The following ABCC9 variants were observed in gnomAD, a reference collection of about 807,000 sequenced individuals.
ABCC9 encodes the protein ATP binding cassette subfamily C member 9.
ABCC9 carries 95 observed loss-of-function variants against 188.3 expected under a neutral mutation model. The ratio of observed to expected loss-of-function variants is 0.50; its 90% CI spans 0.43 to 0.60. The LOEUF is 0.60. Ranked by LOEUF, ABCC9 falls within the 20% of genes least tolerant of loss-of-function variation. The probability of loss-of-function intolerance (pLI) is 0.00; values close to 1 mark genes in which losing one functional copy is unlikely to be tolerated. For missense variants in ABCC9, 1,102 were observed against 1,876.3 expected (o/e 0.59, Z 7.62); for synonymous variants, 659 against 652.7 (o/e 1.01, Z -0.15).
At chr12:21,860,248 T>C (rs1279008017) in intron 21 of ABCC9, among the ~76,000 whole-genome samples, 1 of 152,146 alleles carries the variant, frequency 6.6e-6, no homozygotes, top group Non-Finnish European at 1.5e-5. Flanking sequence ...AGAACTTAAG[T>C]CCATTCTCAT....
intron 30 of ABCC9, 118 bp from the exon 31 acceptor site, chr12:21,829,178 A>G (rs1943566447): frequency 2.0e-6 from 1 of 499,118 alleles, no homozygotes; most frequent in Admixed American, 3.0e-5. Flanking sequence ...TGGAATGATC[A>G]GTAAATAGAT....
chr12:21,838,078 C>G lies in ABCC9; in HGVS notation c.3566G>C (p.Arg1189Thr). ...AEGLTTIRAF[R>T]HETRFKQRML... ...CTAATATAAAAATGTGTTTACTCAC[C>G]TAAAGGCCCGAATGGTGGTGAGTCC... Residue 1189 changes from arginine (R) to threonine (T), a missense_variant and splice_region_variant, in exon 30 of 40, where the codon AGG becomes ACG. By Grantham distance (71) the Arg-to-Thr change is moderately conservative. Transcript: ENST00000261200. 6.2e-7 allele frequency: 1 copy of G among 1,612,194 alleles called. No homozygotes were observed.
intron 20 of ABCC9, among the ~76,000 whole-genome samples, chr12:21,861,520 C>T (rs1227962485): frequency 6.6e-6 from 1 of 152,160 alleles, no homozygotes; most frequent in Non-Finnish European, 1.5e-5. Context: ...GCGTGAACCA[C>T]TACGCCCAGC....
chr12:21,838,686 A>C (rs704175), intron 29 of ABCC9, among the ~76,000 whole-genome samples: 1 of 151,878 alleles, frequency 6.6e-6, no homozygotes, highest in Non-Finnish European at 1.5e-5. Flanking sequence ...TAAGGGTGAC[A>C]GTGGATTGTA....
Position 21,913,051 on chromosome 12 carries a change from G to T in ABCC9, c.832C>A (p.His278Asn). ...CATATAGATGGAGTCCGATTTGGAT[G>T]ATCTGCAACTTTTTTCTGAAGAAAA... ...YEEQKKKVAD[H>N]PNRTPSIWLA... Residue 278 changes from histidine to asparagine, a missense_variant, in exon 8 of 40, where the codon CAT (histidine) becomes AAT (asparagine). His to Asn is a moderately conservative substitution (Grantham distance 68, BLOSUM62 1). Around this residue, in one of 12 missense-constraint regions of ABCC9, gnomAD observed 305 missense variants for 573.0 expected, o/e 0.53. Coordinates refer to ENST00000261200, the MANE Select transcript of ABCC9 (RefSeq NM_020297.4). 7 of 1,590,628 alleles carry T rather than the reference G, an allele frequency of 4.4e-6. No individual in the cohort carries two copies. The highest frequency in any genetic ancestry group is 5.1e-6 in the Non-Finnish European group (6 of 1,171,954).
chr12:21,802,504 A>G (rs1941518868), intron 39 of ABCC9, among the ~76,000 whole-genome samples: 1 of 152,228 alleles, frequency 6.6e-6, no homozygotes. Context: ...AGATGTTATC[A>G]TTTCAATATG....
rs1398393694 is a variant in ABCC9, at chr12:21,917,006, G to A, written c.504C>T (p.Cys168=). The change falls in exon 6 of 40, where the codon TGC becomes TGT. Residue 168 remains cysteine, a synonymous_variant. Transcript: ENST00000261200. ...TCAAGATGACCATCATGCCTGTGAT[G>A]CAGAAACGCAGGTTTGATATGTCCA... ...SGLDISNLRF[C]ITGMMVILNG... 6.2e-7 allele frequency: 1 copy of A among 1,613,646 alleles called. No homozygotes were observed. Among genetic ancestry groups the A allele is most frequent in the Admixed American group, 1.7e-5 (1 of 59,956 alleles).
chr12:21,890,124 C>T (rs1302536596), intron 14 of ABCC9, among the ~76,000 whole-genome samples: 2 of 152,104 alleles, frequency 1.3e-5, no homozygotes, highest in East Asian at 1.9e-4. Context: ...TCTATTCATA[C>T]GAGGTCCTTT....
At chr12:21,931,337 G>A (rs577478770) in intron 4 of ABCC9, among the ~76,000 whole-genome samples, 9 of 151,562 alleles carry the variant, frequency 5.9e-5, no homozygotes, top group African/African-American at 2.2e-4. Flanking sequence ...ATGATTGTAA[G>A]TTTCCTAAGG....
intron 18 of ABCC9, 123 bp downstream of exon 18, chr12:21,872,502 G>A: frequency 1.3e-6 from 1 of 750,468 alleles, no homozygotes; most frequent in South Asian, 1.6e-5. Flanking sequence ...TTTTTTTAAA[G>A]CTGTGCTTAT....
In ABCC9 at chr12:21,859,097, G is replaced by A. The variant is rs1945375513; in HGVS notation, c.2505+489C>T. 2.0e-5 allele frequency among the ~76,000 whole-genome samples: 3 copies of A among 152,108 alleles called. No homozygotes were observed. In the South Asian group the frequency reaches 6.2e-4, roughly 31 times the overall value. On this transcript the variant is annotated intron_variant, in intron 22 of 39. Transcript: ENST00000261200. Reference sequence around the variant, plus strand: ...ATAAATTTTAGATTCTACCTTTACAGATTATGCCACAGGTCTAGAGCAAAA... The same window carrying A: ...ATAAATTTTAGATTCTACCTTTACAAATTATGCCACAGGTCTAGAGCAAAA...
At chr12:21,896,116 T>A (rs914202711) in intron 12 of ABCC9, among the ~76,000 whole-genome samples, 4 of 140,190 alleles carry the variant, frequency 2.9e-5, no homozygotes, top group Admixed American at 7.2e-5. Context: ...TTTTTTTTTT[T>A]ATTATACTTT....
rs774743982 is a variant in ABCC9 at position 21,818,132 on chromosome 12, A to G, written c.3771+18T>C. The stretch of plus-strand genomic sequence containing the variant: ...GTGTTTGGTTATCTGTTCCTGTAAT[A>G]TTTTTATCCATACCTACCGTAAGTG... On this transcript the variant is annotated intron_variant, in intron 32 of 39. Coordinates refer to ENST00000261200, the MANE Select transcript of ABCC9 (RefSeq NM_020297.4). The G allele has an allele frequency of 6.4e-7, 1 of 1,568,054 alleles. No individual in the cohort carries two copies. The highest frequency in any genetic ancestry group is 8.8e-7 in the Non-Finnish European group (1 of 1,138,428).
At chr12:21,841,296 G>T (rs942956197) in intron 29 of ABCC9, among the ~76,000 whole-genome samples, 1 of 148,082 alleles carries the variant, frequency 6.8e-6, no homozygotes. Flanking sequence ...CCCATTTGTA[G>T]AGTATAATAA....
intron 39 of ABCC9, among the ~76,000 whole-genome samples, chr12:21,801,623 A>G (rs1020161853): frequency 6.6e-6 from 1 of 152,182 alleles, no homozygotes; most frequent in South Asian, 2.1e-4. Context: ...TAGTTCCGGG[A>G]TGACAATATG....
At chr12:21,837,137 T>G (rs1944144563) in intron 30 of ABCC9, among the ~76,000 whole-genome samples, 1 of 152,226 alleles carries the variant, frequency 6.6e-6, no homozygotes, top group South Asian at 2.1e-4. Flanking sequence ...CATTGGTGGT[T>G]GTTAGAATAT....
chr12:21,919,154 G>A (rs1050872368), intron 5 of ABCC9, among the ~76,000 whole-genome samples: 8 of 151,672 alleles, frequency 5.3e-5, no homozygotes, highest in Non-Finnish European at 1.2e-4. Context: ...AATAAAAAAG[G>A]ATCCCCCAAA....
intron 39 of ABCC9, chr12:21,805,244 C>T (rs751840926): frequency 6.2e-7 from 1 of 1,613,980 alleles, no homozygotes; most frequent in South Asian, 1.1e-5. Context: ...GACAGTATCA[C>T]ACTCCACTAA....
rs4762720 is a variant in ABCC9 at position 21,910,815 on chromosome 12, C to T, written c.1164+11G>A. On this transcript the variant is annotated intron_variant, in intron 9 of 39. Coordinates refer to ENST00000261200, the MANE Select transcript of ABCC9 (RefSeq NM_020297.4). ...CTTAGGAAACAAATAGTATTCACAG[C>T]CTTTACATACCAGCAGAGCTCCACG... 2,745 of 1,605,298 alleles carry T rather than the reference C, an allele frequency of 1.7e-3. 42 individuals carry two copies. In the African/African-American group the frequency reaches 0.03, roughly 18 times the overall value.
Sources: allele counts gnomAD v4.1 joint callset (sites outside exome capture counted in the v4.1 genomes callset), GRCh38; gene constraint gnomAD v4.1.1; regional missense constraint gnomAD v4.1.1; transcripts MANE v1.5; gene names NCBI Gene and HGNC (gene_info 2026-07-23, HGNC 2026-07-21).